Variants in GREM2 observed in about 807,000 individuals in gnomAD.
GREM2 encodes the protein gremlin-2.
A neutral mutation model predicts 14.2 loss-of-function variants in GREM2; 11 were observed. The ratio of observed to expected loss-of-function variants is 0.78; its 90% CI spans 0.49 to 1.28. The LOEUF (loss-of-function observed/expected upper bound fraction) is 1.28, where lower values mean the gene tolerates loss of function less well. Among genes scored for constraint, GREM2 ranks in the 50% most tolerant of loss-of-function variants. The pLI is 0.00. For synonymous variants in GREM2, 98 were observed against 97.6 expected (o/e 1.00, Z -0.02); for missense variants, 210 against 218.5 (o/e 0.96, Z 0.24).
chr1:240,489,614 T>C lies in GREM2; in HGVS notation c.*3355A>G, dbSNP rs1221128492. On this transcript the variant is annotated 3_prime_UTR_variant, in exon 2 of 2. Transcript: ENST00000318160. ...ATGAAGTAGGCATTCTTTATTCCTT[T>C]ACTTTCTTAATAAACTTGCTTTCAC... 6.6e-6 allele frequency: 1 copy of C among 152,256 alleles called. No individual in the cohort carries two copies. The highest frequency in any genetic ancestry group is 2.4e-5 in the African/African-American group (1 of 41,468). The allele number at this position is 152,256 out of a possible 1,614,324, so 9.4% of individuals were successfully genotyped here.
In GREM2 at chr1:240,542,602, A is replaced by G. The variant is rs189497319; in HGVS notation, c.-1-49126T>C. Among the ~76,000 whole-genome samples, 461 of 152,154 alleles carry G rather than the reference A, an allele frequency of 3.0e-3. 1 individual carries two copies. The highest frequency in any genetic ancestry group is 4.5e-3 in the Non-Finnish European group (309 of 68,008). On this transcript the variant is annotated intron_variant, in intron 1 of 1. Transcript: ENST00000318160. This position sits in a 1 kb window ranked among gnomAD's most constrained non-coding sequence, Gnocchi z 4.1. Reference sequence around the variant, plus strand: ...TGCACTCCAGCCTAGTGACAGAGCGAGACTCCATCTCAAAAATAAATAAAT... The same window carrying G: ...TGCACTCCAGCCTAGTGACAGAGCGGGACTCCATCTCAAAAATAAATAAAT...
chr1:240,504,534 C>A (rs1677639761), intron 1 of GREM2, among the ~76,000 whole-genome samples: 3 of 152,150 alleles, frequency 2.0e-5, no homozygotes, highest in South Asian at 4.1e-4. Context: ...TCTCTTCTTG[C>A]ACTTGACAGA....
At chr1:240,555,063 T>A (rs372729040) in intron 1 of GREM2, among the ~76,000 whole-genome samples, 1 of 152,068 alleles carries the variant, frequency 6.6e-6, no homozygotes, top group East Asian at 1.9e-4. Flanking sequence ...GAGAATCACT[T>A]GAACCCGGGA....
intron 1 of GREM2, among the ~76,000 whole-genome samples, chr1:240,541,938 C>T (rs1678598256): frequency 6.6e-6 from 1 of 152,146 alleles, no homozygotes; most frequent in Non-Finnish European, 1.5e-5. Context: ...TTTATCACTC[C>T]TATCTCCACG....
Position 240,493,454 on chromosome 1 carries a change from A to C in GREM2, c.22T>G (p.Ser8Ala). 2 of 1,608,968 alleles carry C rather than the reference A, an allele frequency of 1.2e-6. No homozygotes were observed. The highest frequency in any genetic ancestry group is 1.7e-6 in the Non-Finnish European group (2 of 1,177,282). The change falls in exon 2 of 2, where the codon TCC (serine) becomes GCC (alanine). Residue 8 changes from serine to alanine, a missense_variant. Ser to Ala is a moderately conservative substitution (Grantham distance 99). Coordinates refer to ENST00000318160, the MANE Select transcript of GREM2 (RefSeq NM_022469.4). The part of the protein sequence containing the change: MFWKLSL[S>A]LFLVAVLVKV... Reference sequence around the variant, plus strand: ...ACCAGCACCGCCACCAGGAACAAGGACAGGGAAAGCTTCCAGAACATCCTG... The same window carrying C: ...ACCAGCACCGCCACCAGGAACAAGGCCAGGGAAAGCTTCCAGAACATCCTG...
At chr1:240,582,555 G>A (rs1679505936) in intron 1 of GREM2, among the ~76,000 whole-genome samples, 2 of 152,024 alleles carry the variant, frequency 1.3e-5, no homozygotes, top group African/African-American at 4.8e-5. Flanking sequence ...CAGCACTTTG[G>A]GAGGCCGAGA....
chr1:240,510,462 G>A (rs987404582), intron 1 of GREM2, among the ~76,000 whole-genome samples: 8 of 150,148 alleles, frequency 5.3e-5, no homozygotes, highest in Non-Finnish European at 1.0e-4. Flanking sequence ...GTTGCCAGGG[G>A]CTGGGGGTGG....
intron 1 of GREM2, among the ~76,000 whole-genome samples, chr1:240,562,926 G>A (rs751913536): frequency 1.3e-5 from 2 of 149,010 alleles, no homozygotes; most frequent in Non-Finnish European, 3.0e-5. Flanking sequence ...GAGTGTATGT[G>A]TATGTGTGTG....
chr1:240,606,447 T>A (rs1056900536), intron 1 of GREM2, among the ~76,000 whole-genome samples: 5 of 152,184 alleles, frequency 3.3e-5, no homozygotes, highest in African/African-American at 1.2e-4. Flanking sequence ...GCCATAGATT[T>A]TCGGAGGATC....
chr1:240,531,357 T>A (rs1422080992), intron 1 of GREM2, among the ~76,000 whole-genome samples: 2 of 152,220 alleles, frequency 1.3e-5, no homozygotes, highest in African/African-American at 4.8e-5. Flanking sequence ...GAAGATTACT[T>A]AATAGAGGAA....
intron 1 of GREM2, among the ~76,000 whole-genome samples, chr1:240,494,274 G>A (rs1677354249): frequency 6.6e-6 from 1 of 152,160 alleles, no homozygotes. Flanking sequence ...GGAAACTGAG[G>A]CTGGGGCCCA....
chr1:240,601,536 G>A (rs1299653624), intron 1 of GREM2, among the ~76,000 whole-genome samples: 1 of 152,216 alleles, frequency 6.6e-6, no homozygotes, highest in African/African-American at 2.4e-5. Flanking sequence ...CTGCACCTCA[G>A]TGAGCTTCAG....
intron 1 of GREM2, among the ~76,000 whole-genome samples, chr1:240,499,409 C>T (rs191320241): frequency 1.6e-4 from 25 of 152,306 alleles, no homozygotes; most frequent in Admixed American, 4.6e-4. Context: ...GTCCCCAGGG[C>T]TGAATAGCTG....
chr1:240,551,589 C>G (rs1453620936), intron 1 of GREM2, among the ~76,000 whole-genome samples: 1 of 151,052 alleles, frequency 6.6e-6, no homozygotes, highest in East Asian at 1.9e-4. Context: ...CTTGGCCTCC[C>G]AAAGTGCCGA....
At chr1:240,535,041 T>A (rs1678446376) in intron 1 of GREM2, among the ~76,000 whole-genome samples, 1 of 152,182 alleles carries the variant, frequency 6.6e-6, no homozygotes, top group Non-Finnish European at 1.5e-5. Context: ...AGTTATTATA[T>A]AAATCTGAAC....
chr1:240,584,393 G>T (rs1279450200), intron 1 of GREM2, among the ~76,000 whole-genome samples: 1 of 151,642 alleles, frequency 6.6e-6, no homozygotes, highest in Non-Finnish European at 1.5e-5. Context: ...TACAGGGGAG[G>T]CTGAGGCAGA....
chr1:240,594,213 C>G (rs1002202616), intron 1 of GREM2, among the ~76,000 whole-genome samples: 2 of 152,072 alleles, frequency 1.3e-5, no homozygotes, highest in African/African-American at 4.8e-5. Flanking sequence ...CTTGGCCTCC[C>G]AAAGTGTTGG....
chr1:240,610,089 G>T (rs952828615), intron 1 of GREM2, among the ~76,000 whole-genome samples: 1 of 152,070 alleles, frequency 6.6e-6, no homozygotes, highest in African/African-American at 2.4e-5. Context: ...TCACAAAGTT[G>T]CTACCAACAC....
chr1:240,560,504 A>G (rs1489708777), intron 1 of GREM2, among the ~76,000 whole-genome samples: 1 of 152,200 alleles, frequency 6.6e-6, no homozygotes, highest in Non-Finnish European at 1.5e-5. Flanking sequence ...GGTGGTCAAA[A>G]AGTATATGAA....
Sources: gnomAD v4.1 joint callset for allele counts (sites outside exome capture counted in the v4.1 genomes callset) on GRCh38, gnomAD v4.1.1 for gene constraint, Gnocchi (gnomAD v3.1) non-coding constraint, MANE v1.5 for transcripts, NCBI Gene and HGNC (gene_info 2026-07-23, HGNC 2026-07-21) for gene names.